Variants in FMO2 observed in about 807,000 individuals in gnomAD.
FMO2 encodes flavin containing dimethylaniline monoxygenase 2.
In FMO2, 33 loss-of-function variants were observed where a neutral mutation model predicts 41.6. The observed-to-expected ratio is 0.79, with a 90% CI of 0.60 to 1.06. The LOEUF (loss-of-function observed/expected upper bound fraction) is 1.06. Ranked by LOEUF, FMO2 falls within the 50% of genes least tolerant of loss-of-function variation. FMO2 has a pLI of 0.00. For synonymous variants in FMO2, 214 were observed against 219.6 expected, an observed-to-expected ratio of 0.97 and a Z score of 0.23; for missense variants, 619 against 632.9, an observed-to-expected ratio of 0.98 and a Z score of 0.23.
chr1:171,203,236 G>A (rs1212236288), intron 5 of FMO2, among the ~76,000 whole-genome samples: 1 of 151,478 alleles, frequency 6.6e-6, no homozygotes, highest in Non-Finnish European at 1.5e-5. Context: ...GAGGTGGGAG[G>A]ATCACTTGAG....
chr1:171,187,930 T>C (rs1395752693), intron 2 of FMO2, among the ~76,000 whole-genome samples: 3 of 152,152 alleles, frequency 2.0e-5, no homozygotes, highest in African/African-American at 7.2e-5. Context: ...TTAATATCAT[T>C]TTAGTTTTTC....
At position 171,208,809 on chromosome 1, in the gene FMO2, G is replaced by T. The variant is rs200474151; in HGVS notation, c.1272G>T (p.Gln424His). 1.9e-6 allele frequency: 3 copies of T among 1,613,770 alleles called. No individual in the cohort carries two copies. Among genetic ancestry groups the T allele is most frequent in the Non-Finnish European group, 2.5e-6 (3 of 1,179,862 alleles). The part of the protein sequence containing the change: ...EKRIDLFGES[Q>H]SQTLQTNYVD... The stretch of plus-strand genomic sequence containing the variant: ...CTTCACTAAGGTTTGGAGAAAGCCA[G>T]AGCCAGACGTTGCAGACCAATTATG... The change falls in exon 9 of 9, where the codon CAG (glutamine) becomes CAT (histidine). Residue 424 changes from glutamine to histidine, a missense_variant. Transcript: ENST00000209929.
chr1:171,206,418 C>T (rs923900147), intron 7 of FMO2, among the ~76,000 whole-genome samples: 1 of 152,142 alleles, frequency 6.6e-6, no homozygotes, highest in African/African-American at 2.4e-5. Flanking sequence ...TGGAAGGGCA[C>T]ATGCTATTTG....
chr1:171,205,474 A>T lies in FMO2; in HGVS notation c.1023A>T (p.Ser341=), dbSNP rs144873455. 2.9e-4 allele frequency: 474 copies of T among 1,613,678 alleles called. No individual in the cohort carries two copies. The African/African-American group carries it at 5.8e-3, about 20-fold the overall frequency. The change falls in exon 7 of 9, where the codon TCA becomes TCT. Residue 341 remains serine, a synonymous_variant. Coordinates refer to ENST00000209929, the MANE Select transcript of FMO2 (RefSeq NM_001460.5). ...TCTCTTTTCCCTTCCTTGAAGATTC[A>T]CTCGTTAAAGTAGAGAATAATATGG... The part of the protein sequence containing the change: ...YSFSFPFLED[S]LVKVENNMVS...
intron 2 of FMO2, among the ~76,000 whole-genome samples, chr1:171,189,942 G>A (rs995800634): frequency 6.6e-6 from 1 of 152,070 alleles, no homozygotes; most frequent in Non-Finnish European, 1.5e-5. Flanking sequence ...AGGTCCATCC[G>A]AAAGAGTGAA....
At chr1:171,196,124 A>G (rs1346645172) in intron 3 of FMO2, among the ~76,000 whole-genome samples, 1 of 152,252 alleles carries the variant, frequency 6.6e-6, no homozygotes, top group Non-Finnish European at 1.5e-5. Flanking sequence ...GTGATAGAGC[A>G]TTGTAATGAG....
chr1:171,185,617 A>G lies in FMO2; in HGVS notation c.-6-91A>G, dbSNP rs1657809284. 6.2e-6 allele frequency: 8 copies of G among 1,284,836 alleles called. No individual in the cohort carries two copies. The East Asian group carries it at 9.3e-5, about 15-fold the overall frequency. 79.6% of individuals were successfully genotyped at this position (1,284,836 alleles called of 1,614,324 possible). On this transcript the variant is annotated intron_variant, in intron 1 of 8. Transcript: ENST00000209929. ...CTGCTTATTAAATTACCACTGCTAC[A>G]ATGTTTAAAGCCAATTACCTGAGCA... is the stretch of plus-strand genomic sequence containing the variant.
intron 2 of FMO2, among the ~76,000 whole-genome samples, chr1:171,187,264 A>G (rs1394775873): frequency 2.0e-5 from 3 of 152,238 alleles, no homozygotes; most frequent in Non-Finnish European, 4.4e-5. Flanking sequence ...CTGAGATATT[A>G]AAACACATAA....
At chr1:171,185,663 C>A (rs368999567) in intron 1 of FMO2, 45 bp from the exon 2 acceptor site, 4 of 1,602,918 alleles carry the variant, frequency 2.5e-6, no homozygotes, top group Middle Eastern at 1.7e-4. Context: ...ATTCTCTTAC[C>A]GGTTGTCCCA....
intron 6 of FMO2, 40 bp from the exon 7 acceptor site, chr1:171,205,239 C>A: frequency 7.6e-7 from 1 of 1,318,162 alleles, no homozygotes; most frequent in Non-Finnish European, 1.1e-6. Context: ...GATTCCTCAG[C>A]AAATGATCCT....
At position 171,208,805 on chromosome 1, in the gene FMO2, G is replaced by T; in HGVS notation, c.1268G>T (p.Ser423Ile). ...NEKRIDLFGE[S>I]QSQTLQTNYV... ...CTTTCTTCACTAAGGTTTGGAGAAAGCCAGAGCCAGACGTTGCAGACCAAT... is the reference window on the plus strand; with the variant it reads ...CTTTCTTCACTAAGGTTTGGAGAAATCCAGAGCCAGACGTTGCAGACCAAT... Residue 423 changes from serine to isoleucine, a missense_variant, in exon 9 of 9, where the codon AGC becomes ATC. Transcript: ENST00000209929. The T allele has an allele frequency of 6.2e-7, 1 of 1,613,848 alleles. No individual in the cohort carries two copies. The highest frequency in any genetic ancestry group is 8.5e-7 in the Non-Finnish European group (1 of 1,179,832).
At chr1:171,188,817 C>T (rs948832987) in intron 2 of FMO2, 1 of 152,166 alleles carries the variant, frequency 6.6e-6, no homozygotes, top group Non-Finnish European at 1.5e-5. Flanking sequence ...CCAACCCAGA[C>T]AATAGAGTTC....
intron 7 of FMO2, among the ~76,000 whole-genome samples, chr1:171,206,911 CATT>C (rs1658776293): frequency 6.6e-6 from 1 of 152,108 alleles, no homozygotes; most frequent in South Asian, 2.1e-4. Flanking sequence ...ATCAGCATGA[CATT>C]ATAATTGGTT....
Position 171,185,776 on chromosome 1 carries a change from T to C in FMO2, c.63T>C (p.Cys21=). The part of the protein sequence containing the change: ...GVSGLISLKC[C]VDEGLEPTCF... ...GTGGCCTAATTTCTCTGAAGTGCTG[T>C]GTGGATGAGGGACTTGAGCCCACTT... The change falls in exon 2 of 9, where the codon TGT becomes TGC. Residue 21 remains cysteine (C), a synonymous_variant. Coordinates refer to ENST00000209929, the MANE Select transcript of FMO2 (RefSeq NM_001460.5). The C allele has an allele frequency of 6.2e-7, 1 of 1,613,860 alleles. No homozygotes were observed. The highest frequency in any genetic ancestry group is 8.5e-7 in the Non-Finnish European group (1 of 1,179,800).
At chr1:171,190,982 C>T (rs112429703) in intron 2 of FMO2, among the ~76,000 whole-genome samples, 15,804 of 151,988 alleles carry the variant, frequency 0.1, 1,484 homozygotes, top group African/African-American at 0.26. Flanking sequence ...CCCACCTCTA[C>T]TAAAAATACA....
rs146183784 is a variant in FMO2, at chr1:171,211,087, T to A, written c.*1942T>A. The A allele has an allele frequency of 3.3e-3, 495 of 151,944 alleles. 2 individuals carry two copies. Among genetic ancestry groups the A allele is most frequent in the African/African-American group, 0.011 (468 of 41,198 alleles). The allele number at this position is 151,944 out of a possible 1,614,324, so 9.4% of individuals were successfully genotyped here. ...TTAAAAAATATATTGCTTTGTTAAG[T>A]ATTAAAGATTATTTGTAAGTCATTG... On this transcript the variant is annotated 3_prime_UTR_variant, in exon 9 of 9. Transcript: ENST00000209929.
intron 2 of FMO2, among the ~76,000 whole-genome samples, chr1:171,189,822 T>C (rs1658009164): frequency 6.6e-6 from 1 of 152,086 alleles, no homozygotes; most frequent in Non-Finnish European, 1.5e-5. Context: ...CTAATGCAAC[T>C]GGTCCACTGA....
At chr1:171,188,044 T>G (rs1390349744) in intron 2 of FMO2, among the ~76,000 whole-genome samples, 2 of 145,524 alleles carry the variant, frequency 1.4e-5, no homozygotes, top group African/African-American at 4.9e-5. Flanking sequence ...TTTTTTTTTT[T>G]TTTTTTTTTT....
intron 4 of FMO2, among the ~76,000 whole-genome samples, chr1:171,197,817 G>T (rs986633966): frequency 2.6e-5 from 4 of 152,138 alleles, no homozygotes; most frequent in African/African-American, 9.7e-5. Context: ...AGCATGCTTG[G>T]CTCCCTCACC....
Sources: gnomAD v4.1 joint callset for allele counts (sites outside exome capture counted in the v4.1 genomes callset) on GRCh38, gnomAD v4.1.1 for gene constraint, MANE v1.5 for transcripts, NCBI Gene and HGNC (gene_info 2026-07-23, HGNC 2026-07-21) for gene names.